CSMD1: variants seen among roughly 807,000 people sequenced by gnomAD.
CSMD1 encodes the protein CUB and sushi domain-containing protein 1.
In CSMD1, 213 loss-of-function variants were observed where a neutral mutation model predicts 417.5. The observed-to-expected ratio is 0.51, with a 90% CI of 0.46 to 0.57. The LOEUF is 0.57. Ranked by LOEUF, CSMD1 falls within the 20% of genes least tolerant of loss-of-function variation. The probability of loss-of-function intolerance (pLI) is 0.00; values close to 1 mark genes in which losing one functional copy is unlikely to be tolerated. For missense variants in CSMD1, 6,923 were observed against 4,529.7 expected (o/e 1.53, Z -15.17); for synonymous variants, 2,862 against 1,736.8 (o/e 1.65, Z -16.11).
At chr8:3,729,301 G>C (rs529652885) in intron 6 of CSMD1, among the ~76,000 whole-genome samples, 15 of 152,294 alleles carry the variant, frequency 9.8e-5, no homozygotes, top group African/African-American at 3.1e-4. Context: ...GGCTCGTGCA[G>C]GGCAGATGCT....
chr8:2,999,931 G>A (rs1447595496), intron 53 of CSMD1, 27 bp downstream of exon 53: 1 of 1,577,910 alleles, frequency 6.3e-7, no homozygotes, highest in Admixed American at 1.7e-5. Context: ...AAGCATCGAT[G>A]AATTCGTCCA....
chr8:4,813,032 A>G (rs1798998551), intron 1 of CSMD1, among the ~76,000 whole-genome samples: 1 of 152,200 alleles, frequency 6.6e-6, no homozygotes, highest in Non-Finnish European at 1.5e-5. Context: ...TCCACAAGAA[A>G]CAAAACACAA....
At chr8:3,478,207 A>G (rs1241249919) in intron 11 of CSMD1, among the ~76,000 whole-genome samples, 1 of 152,238 alleles carries the variant, frequency 6.6e-6, no homozygotes, top group Non-Finnish European at 1.5e-5. Context: ...ATCATTTACA[A>G]TCGCTATTTT....
chr8:3,361,232 C>T (rs538393684), intron 20 of CSMD1, among the ~76,000 whole-genome samples: 1 of 152,260 alleles, frequency 6.6e-6, no homozygotes, highest in Admixed American at 6.5e-5. Flanking sequence ...TGTCACAATT[C>T]AGATAATATT....
At chr8:3,956,078 T>G (rs116334476) in intron 5 of CSMD1, among the ~76,000 whole-genome samples, 1 of 152,196 alleles carries the variant, frequency 6.6e-6, no homozygotes, top group Non-Finnish European at 1.5e-5. Flanking sequence ...TATTTGGCAT[T>G]AGCCACCGTG....
At chr8:2,951,458 C>T (rs531133718) in intron 65 of CSMD1, among the ~76,000 whole-genome samples, 183 bp from the exon 66 acceptor site, 50 of 152,184 alleles carry the variant, frequency 3.3e-4, no homozygotes, top group African/African-American at 1.1e-3. Context: ...GAAGCAGGTG[C>T]GAAGATTATT....
chr8:3,977,447 G>A (rs540500725), intron 5 of CSMD1, among the ~76,000 whole-genome samples: 6 of 152,036 alleles, frequency 3.9e-5, no homozygotes, highest in Non-Finnish European at 8.8e-5. Context: ...TCTCTGAGTT[G>A]TTTTGGATGG....
chr8:3,368,293 G>A (rs776277233), intron 19 of CSMD1, among the ~76,000 whole-genome samples: 2 of 152,066 alleles, frequency 1.3e-5, no homozygotes, highest in African/African-American at 2.4e-5. Context: ...GTGAAAAGAC[G>A]AAGTCTACAT....
At chr8:3,520,943 C>T (rs1429262941) in intron 10 of CSMD1, among the ~76,000 whole-genome samples, 15 of 152,110 alleles carry the variant, frequency 9.9e-5, no homozygotes, top group Admixed American at 9.2e-4. Context: ...TTGGTTCCTC[C>T]TTTGCTCCCC....
At chr8:4,600,475 T>C (rs1800522559) in intron 2 of CSMD1, among the ~76,000 whole-genome samples, 2 of 152,350 alleles carry the variant, frequency 1.3e-5, no homozygotes, top group South Asian at 4.1e-4. Context: ...TTGAAGTCTG[T>C]TTACAGATAT....
intron 12 of CSMD1, among the ~76,000 whole-genome samples, chr8:3,439,131 AAAAAAAAAAAAAAAAAAAAAACC>A (rs1814770782): frequency 8.1e-6 from 1 of 123,634 alleles, no homozygotes; most frequent in African/African-American, 3.5e-5. Context: ...TCAAAAAAAA[AAAAAAAAAAAAAAAAAAAAAACC>A]AAGAAAAAAA....
rs149349388 is a variant in CSMD1, at chr8:4,082,514, A to G, written c.416-50415T>C. ...GATAACAAAGTCTGTCAAAGACCTA[A>G]AAAATAAAACTAAAAGGAAACACAC... On this transcript the variant is annotated intron_variant, in intron 3 of 69. Transcript: ENST00000635120. 2.7e-3 allele frequency among the ~76,000 whole-genome samples: 415 copies of G among 152,276 alleles called. 2 individuals are homozygous for G. The highest frequency in any genetic ancestry group is 9.3e-3 in the African/African-American group (385 of 41,546).
chr8:4,344,335 A>G (rs549935349), intron 3 of CSMD1, among the ~76,000 whole-genome samples: 40 of 152,156 alleles, frequency 2.6e-4, no homozygotes, highest in African/African-American at 8.9e-4. Flanking sequence ...AATCAGCTTT[A>G]CATCTTTCAG....
intron 2 of CSMD1, among the ~76,000 whole-genome samples, chr8:4,444,538 T>G (rs1390292643): frequency 6.6e-6 from 1 of 151,920 alleles, no homozygotes; most frequent in Non-Finnish European, 1.5e-5. Flanking sequence ...AGAACAATAA[T>G]GTCCATCTTT....
At chr8:4,008,348 T>A (rs986194577) in intron 4 of CSMD1, among the ~76,000 whole-genome samples, 1 of 151,960 alleles carries the variant, frequency 6.6e-6, no homozygotes, top group South Asian at 2.1e-4. Flanking sequence ...AAGCTCCTTT[T>A]ATTCCATGGA....
At chr8:3,845,832 T>C (rs546432150) in intron 5 of CSMD1, among the ~76,000 whole-genome samples, 1 of 145,058 alleles carries the variant, frequency 6.9e-6, no homozygotes, top group Non-Finnish European at 1.5e-5. Flanking sequence ...TTCTATTTAA[T>C]TTTTTTTTTA....
At chr8:3,618,615 G>C (rs1338605146) in intron 7 of CSMD1, among the ~76,000 whole-genome samples, 3 of 152,042 alleles carry the variant, frequency 2.0e-5, no homozygotes, top group African/African-American at 7.2e-5. Context: ...TCAGTAGATA[G>C]TGAGACAGAA....
intron 3 of CSMD1, among the ~76,000 whole-genome samples, chr8:4,302,167 C>T (rs149896619): frequency 1.4e-4 from 21 of 152,184 alleles, no homozygotes; most frequent in Admixed American, 6.5e-4. Flanking sequence ...AGGCCAATTG[C>T]CAGGTGGAAC....
At chr8:3,658,994 T>C (rs1798270330) in intron 7 of CSMD1, among the ~76,000 whole-genome samples, 1 of 152,212 alleles carries the variant, frequency 6.6e-6, no homozygotes, top group Admixed American at 6.5e-5. Flanking sequence ...AGTGTGTTCT[T>C]CTAAAATACT....
Sources: allele counts gnomAD v4.1 joint callset (sites outside exome capture counted in the v4.1 genomes callset), GRCh38; gene constraint gnomAD v4.1.1; transcripts MANE v1.5; gene names NCBI Gene and HGNC (gene_info 2026-07-23, HGNC 2026-07-21).